The following EDARADD variants were observed in gnomAD, a reference collection of about 807,000 sequenced individuals.
The protein encoded by EDARADD is EDAR associated via death domain.
A neutral mutation model predicts 25.6 loss-of-function variants in EDARADD; 20 were observed. The observed-to-expected ratio is 0.78, with a 90% CI of 0.55 to 1.14. EDARADD has a LOEUF of 1.14. Among genes scored for constraint, EDARADD ranks in the 50% most tolerant of loss-of-function variants. The pLI, the probability that EDARADD is intolerant of heterozygous loss-of-function variation, is 0.00. For synonymous variants in EDARADD, 86 were observed against 94.4 expected (o/e 0.91, Z 0.52); for missense variants, 225 against 270.1 (o/e 0.83, Z 1.17).
At chr1:236,427,942 G>T (rs1187794746) in intron 4 of EDARADD, among the ~76,000 whole-genome samples, 2 of 147,170 alleles carry the variant, frequency 1.4e-5, no homozygotes, top group African/African-American at 4.9e-5. Context: ...TTTTTTAATT[G>T]TAATTTTTTT....
At chr1:236,430,175 TA>T (rs1166998347) in intron 4 of EDARADD, among the ~76,000 whole-genome samples, 10 of 152,218 alleles carry the variant, frequency 6.6e-5, no homozygotes. Flanking sequence ...TTTCAACCAT[TA>T]ATTGTGAATA....
At chr1:236,448,710 T>G (rs1458522240) in intron 4 of EDARADD, among the ~76,000 whole-genome samples, 1 of 152,212 alleles carries the variant, frequency 6.6e-6, no homozygotes, top group African/African-American at 2.4e-5. Context: ...TGCAAATTTC[T>G]TAGGCCAAGG....
At chr1:236,467,888 G>A (rs1015673696) in intron 4 of EDARADD, among the ~76,000 whole-genome samples, 1 of 152,026 alleles carries the variant, frequency 6.6e-6, no homozygotes, top group Non-Finnish European at 1.5e-5. Flanking sequence ...CACCCAAGTA[G>A]CTGGGGCTGC....
intron 4 of EDARADD, among the ~76,000 whole-genome samples, chr1:236,448,386 T>A (rs1307677735): frequency 2.0e-5 from 3 of 152,208 alleles, no homozygotes; most frequent in African/African-American, 7.2e-5. Context: ...GAAGGCCTGC[T>A]GGGCTGAAGT....
Position 236,482,333 on chromosome 1 carries a change from C to T in EDARADD, c.332C>T (p.Thr111Ile). ...TCCTCCTGCTTGCTCCGGGCCCCCA[C>T]CATAAGTGACTTGCTCAATGATCAG... is the stretch of plus-strand genomic sequence containing the variant. Reference protein sequence around the residue: ...TCSSCLLRAPTISDLLNDQDL... With the variant: ...TCSSCLLRAPIISDLLNDQDL... The change falls in exon 6 of 6, where the codon ACC becomes ATC. Residue 111 changes from threonine (T) to isoleucine (I), a missense_variant. Physicochemically the swap from Thr to Ile is moderately conservative, Grantham distance 89. Coordinates refer to ENST00000334232, the MANE Select transcript of EDARADD (RefSeq NM_145861.4). 1 of 1,614,108 alleles carries T rather than the reference C, an allele frequency of 6.2e-7. No homozygotes were observed. The highest frequency in any genetic ancestry group is 8.5e-7 in the Non-Finnish European group (1 of 1,180,034).
chr1:236,459,013 T>A (rs938890340), intron 4 of EDARADD, among the ~76,000 whole-genome samples: 1 of 152,106 alleles, frequency 6.6e-6, no homozygotes, highest in African/African-American at 2.4e-5. Context: ...TTAGACTCAG[T>A]AAACTTTTCA....
rs200952941 is a variant in EDARADD, at chr1:236,478,528, G to A, written c.266-3739G>A. The stretch of plus-strand genomic sequence containing the variant: ...ATGGAATACTATTTAGCCATAAAAA[G>A]GAATGAATTAATGGCATTCGCAGTA... On this transcript the variant is annotated intron_variant, in intron 5 of 5. Coordinates refer to ENST00000334232, the MANE Select transcript of EDARADD (RefSeq NM_145861.4). 8.6e-5 allele frequency among the ~76,000 whole-genome samples: 13 copies of A among 151,686 alleles called. No individual in the cohort carries two copies. In the East Asian group the frequency reaches 2.5e-3, roughly 29 times the overall value.
intron 5 of EDARADD, among the ~76,000 whole-genome samples, chr1:236,471,896 T>TCATGAC (rs1310906565): frequency 1.3e-5 from 2 of 152,186 alleles, no homozygotes; most frequent in African/African-American, 4.8e-5. Context: ...GCCTAACTAA[T>TCATGAC]CATGACGTTT....
chr1:236,387,019 C>T (rs1296906283), intron 3 of EDARADD, among the ~76,000 whole-genome samples: 2 of 41,710 alleles, frequency 4.8e-5, no homozygotes, highest in African/African-American at 7.5e-5. Flanking sequence ...CCCCTCTGCC[C>T]GGCCAGCCGC....
chr1:236,461,405 C>CT (rs1419177854), intron 4 of EDARADD, among the ~76,000 whole-genome samples: 1 of 152,172 alleles, frequency 6.6e-6, no homozygotes, highest in Non-Finnish European at 1.5e-5. Context: ...ATTGAAGAGA[C>CT]TGTCTTTTTC....
intron 3 of EDARADD, among the ~76,000 whole-genome samples, chr1:236,373,533 T>G (rs1667194521): frequency 6.6e-6 from 1 of 152,202 alleles, no homozygotes; most frequent in African/African-American, 2.4e-5. Flanking sequence ...TATTAGTAAT[T>G]TATGTCTTCT....
chr1:236,351,132 A>G (rs1666911720), intron 3 of EDARADD, among the ~76,000 whole-genome samples: 1 of 152,056 alleles, frequency 6.6e-6, no homozygotes, highest in South Asian at 2.1e-4. Context: ...GTGAGACCCC[A>G]TCTCTAAACA....
intron 3 of EDARADD, among the ~76,000 whole-genome samples, chr1:236,375,822 G>A (rs1016591005): frequency 6.6e-6 from 1 of 151,740 alleles, no homozygotes; most frequent in Non-Finnish European, 1.5e-5. Context: ...AGGAGGTCAG[G>A]GCTACAGTGA....
At chr1:236,437,936 C>T (rs908978701) in intron 4 of EDARADD, among the ~76,000 whole-genome samples, 7 of 151,998 alleles carry the variant, frequency 4.6e-5, no homozygotes, top group East Asian at 3.9e-4. Flanking sequence ...TTTGTAGAGA[C>T]GGGGTTTCAC....
At chr1:236,405,874 C>CTTCCTTCCTTCCTTCCTTCT (rs56931070) in intron 1 of EDARADD, among the ~76,000 whole-genome samples, 10 of 30,888 alleles carry the variant, frequency 3.2e-4, no homozygotes, top group East Asian at 1.7e-3. Context: ...TCCTTCCTTC[C>CTTCCTTCCTTCCTTCCTTCT]TTCTTTCTTT....
rs566541349 is a variant in EDARADD at position 236,455,113 on chromosome 1, A to G, written c.220-13118A>G. Among the ~76,000 whole-genome samples the G allele has an allele frequency of 5.6e-3, 849 of 152,188 alleles. 1 individual carries two copies. The highest frequency in any genetic ancestry group is 8.0e-3 in the Non-Finnish European group (542 of 67,972). ...TAGTCCCAGCTACTTGGGAGGCTGAAGCAGAAGAATCGCTTAAACCCGTGA... is the reference window on the plus strand; with the variant it reads ...TAGTCCCAGCTACTTGGGAGGCTGAGGCAGAAGAATCGCTTAAACCCGTGA... On this transcript the variant is annotated intron_variant, in intron 4 of 5. Coordinates refer to ENST00000334232, the MANE Select transcript of EDARADD (RefSeq NM_145861.4).
intron 3 of EDARADD, among the ~76,000 whole-genome samples, chr1:236,368,344 T>A (rs57398627): frequency 2.6e-3 from 391 of 152,306 alleles, no homozygotes; most frequent in African/African-American, 9.0e-3. Context: ...CAAGTGTTAT[T>A]TAGCTATTGT....
intron 3 of EDARADD, among the ~76,000 whole-genome samples, chr1:236,420,330 A>C (rs536583173): frequency 6.6e-6 from 1 of 152,384 alleles, no homozygotes; most frequent in South Asian, 2.1e-4. Flanking sequence ...TTAAACATTT[A>C]CATGGTGCTA....
chr1:236,466,847 T>A (rs1659205452), intron 4 of EDARADD, among the ~76,000 whole-genome samples: 1 of 152,080 alleles, frequency 6.6e-6, no homozygotes, highest in African/African-American at 2.4e-5. Flanking sequence ...GGTGGGCGGA[T>A]CATGAGGTCA....
Sources: allele counts gnomAD v4.1 joint callset (sites outside exome capture counted in the v4.1 genomes callset), GRCh38; gene constraint gnomAD v4.1.1; transcripts MANE v1.5; gene names NCBI Gene and HGNC (gene_info 2026-07-23, HGNC 2026-07-21).